Variants in ANOS1 observed in about 807,000 individuals in gnomAD.
ANOS1 encodes the protein anosmin-1.
ANOS1 carries 6 observed loss-of-function variants against 59.0 expected under a neutral mutation model. The ratio of observed to expected loss-of-function variants is 0.10; its 90% confidence interval spans 0.06 to 0.20. The LOEUF is 0.20. ANOS1 is among the 10% of genes least tolerant of loss of function. The pLI is 1.00. For missense variants in ANOS1, 433 were observed against 542.3 expected, an observed-to-expected ratio of 0.80 and a Z score of 2.00; for synonymous variants, 217 against 223.4, an observed-to-expected ratio of 0.97 and a Z score of 0.25.
intron 2 of ANOS1, among the ~76,000 whole-genome samples, chrX:8,692,312 C>A (rs1932620480): frequency 8.9e-6 from 1 of 111,870 alleles, no homozygotes; most frequent in African/African-American, 3.2e-5. Context: ...TGTGCTGCAA[C>A]AACAGAGTTG....
chrX:8,583,542 A>G (rs967414806), intron 6 of ANOS1, among the ~76,000 whole-genome samples: 12 of 112,077 alleles, frequency 1.1e-4, no homozygotes, highest in African/African-American at 2.9e-4. Context: ...CTTTAAAGAT[A>G]TCATAGAGGG....
rs1005697022 is a variant in ANOS1 at position 8,629,680 on chromosome X, C to T, written c.256-6010G>A. Among the ~76,000 whole-genome samples the T allele has an allele frequency of 4.7e-5, 5 of 106,310 alleles. No individual in the cohort carries two copies. In the East Asian group the frequency reaches 1.2e-3, roughly 25 times the overall value. The allele number at this position is 106,310 out of a possible 115,157, so 92.3% of individuals were successfully genotyped here. On this transcript the variant is annotated intron_variant, in intron 2 of 13. Coordinates refer to ENST00000262648, the MANE Select transcript of ANOS1 (RefSeq NM_000216.4). ...ATCAACAAGGAAATTGTGGATACTACTTTGTGAATCACCACCTGGCCAGTT... is the reference window on the plus strand; with the variant it reads ...ATCAACAAGGAAATTGTGGATACTATTTTGTGAATCACCACCTGGCCAGTT...
chrX:8,604,032 AC>A (rs754893030), intron 3 of ANOS1, among the ~76,000 whole-genome samples: 146 of 110,975 alleles, frequency 1.3e-3, no homozygotes, highest in Non-Finnish European at 3.0e-4. Flanking sequence ...TTCTCATTTC[AC>A]CTATTCTTCC....
At chrX:8,704,590 A>G (rs1932771735) in intron 1 of ANOS1, among the ~76,000 whole-genome samples, 1 of 112,573 alleles carries the variant, frequency 8.9e-6, no homozygotes, top group Non-Finnish European at 1.9e-5. Context: ...ATTTTCTACT[A>G]ATCACAAAAT....
intron 1 of ANOS1, among the ~76,000 whole-genome samples, chrX:8,713,883 G>A (rs1030041571): frequency 3.6e-5 from 4 of 111,634 alleles, no homozygotes; most frequent in African/African-American, 6.5e-5. Context: ...AAAGTGCTGG[G>A]ATTACAGGCA....
At chrX:8,666,152 C>T (rs149081177) in intron 2 of ANOS1, among the ~76,000 whole-genome samples, 1,348 of 111,446 alleles carry the variant, frequency 0.012, 14 homozygotes, top group African/African-American at 0.04. Context: ...GCTACAATCA[C>T]GCCACTGGAC....
Position 8,731,123 on chromosome X carries a change from C to T in ANOS1, c.207+707G>A, listed in dbSNP as rs968838615. On this transcript the variant is annotated intron_variant, in intron 1 of 13. Transcript: ENST00000262648. Reference sequence around the variant, plus strand: ...CTCGTTGAGGAGTATCCGAATACGGCCCCGCCAAATCCCCTGTCCCCGGCA... The same window carrying T: ...CTCGTTGAGGAGTATCCGAATACGGTCCCGCCAAATCCCCTGTCCCCGGCA... Among the ~76,000 whole-genome samples the T allele has an allele frequency of 3.6e-5, 4 of 112,347 alleles. No individual in the cohort carries two copies. The Admixed American group carries it at 3.7e-4, about 10-fold the overall frequency.
At position 8,532,889 on chromosome X, in the gene ANOS1, C is replaced by T. The variant is rs139805162; in HGVS notation, c.*106G>A. The T allele has an allele frequency of 2.3e-3, 1,224 of 537,814 alleles. 13 individuals are homozygous for T. The African/African-American group carries it at 0.024, about 10-fold the overall frequency. The allele number at this position is 537,814 out of a possible 1,213,427, so 44.3% of individuals were successfully genotyped here. ...TGCACTAAAGTCACATAGGAGAGTCCGGGCCTCTGAGCAGTTCCCACTGCC... is the reference window on the plus strand; with the variant it reads ...TGCACTAAAGTCACATAGGAGAGTCTGGGCCTCTGAGCAGTTCCCACTGCC... On this transcript the variant is annotated 3_prime_UTR_variant, in exon 14 of 14. Coordinates refer to ENST00000262648, the MANE Select transcript of ANOS1 (RefSeq NM_000216.4).
intron 2 of ANOS1, among the ~76,000 whole-genome samples, chrX:8,649,937 A>C (rs1457675522): frequency 1.8e-5 from 2 of 112,600 alleles, no homozygotes; most frequent in East Asian, 5.6e-4. Context: ...AAATTATAAA[A>C]TTTGCAAAAT....
At chrX:8,581,816 C>T (rs956174870) in intron 6 of ANOS1, among the ~76,000 whole-genome samples, 5 of 112,136 alleles carry the variant, frequency 4.5e-5, no homozygotes, top group Non-Finnish European at 9.4e-5. Context: ...TAAGTGCTCA[C>T]TGACATTCTT....
At chrX:8,633,841 A>C (rs1463451257) in intron 2 of ANOS1, among the ~76,000 whole-genome samples, 1 of 112,010 alleles carries the variant, frequency 8.9e-6, no homozygotes, top group Admixed American at 9.5e-5. Context: ...CAAAAATATC[A>C]ATGTCCTGAA....
chrX:8,629,862 A>G (rs977377872), intron 2 of ANOS1, among the ~76,000 whole-genome samples: 4 of 112,766 alleles, frequency 3.5e-5, no homozygotes, highest in African/African-American at 1.3e-4. Context: ...CAACAAGTGG[A>G]ACTCGTGATC....
intron 1 of ANOS1, among the ~76,000 whole-genome samples, chrX:8,702,368 A>C (rs1167863996): frequency 5.4e-5 from 6 of 112,109 alleles, no homozygotes; most frequent in African/African-American, 1.9e-4. Context: ...AATTTTATAA[A>C]GGGAGCCATT....
chrX:8,730,848 G>A (rs1932968377), intron 1 of ANOS1, among the ~76,000 whole-genome samples: 1 of 112,640 alleles, frequency 8.9e-6, no homozygotes, highest in Non-Finnish European at 1.9e-5. Flanking sequence ...CGCTCGACAG[G>A]GCTGGTACAG....
At chrX:8,549,409 A>G (rs905260972) in intron 9 of ANOS1, among the ~76,000 whole-genome samples, 1 of 112,605 alleles carries the variant, frequency 8.9e-6, no homozygotes, top group African/African-American at 3.2e-5. Context: ...GATACAGTGC[A>G]GTGAAGGTGA....
chrX:8,647,865 C>T (rs1931786300), intron 2 of ANOS1, among the ~76,000 whole-genome samples: 1 of 111,844 alleles, frequency 8.9e-6, no homozygotes, highest in Admixed American at 9.5e-5. Flanking sequence ...TTAATAATTT[C>T]TCATTTCAAC....
chrX:8,652,368 G>T (rs1280946400), intron 2 of ANOS1, among the ~76,000 whole-genome samples: 2 of 111,607 alleles, frequency 1.8e-5, no homozygotes, highest in African/African-American at 6.5e-5. Context: ...TTAGCAAGAA[G>T]AAATAAGAGG....
At position 8,731,889 on chromosome X, in the gene ANOS1, C is replaced by A. The variant is rs1602050563; in HGVS notation, c.148G>T (p.Ala50Ser). The change falls in exon 1 of 14, where the codon GCC (alanine) becomes TCC (serine). Residue 50 changes from alanine (A) to serine (S), a missense_variant. Physicochemically the swap from Ala to Ser is moderately conservative, Grantham distance 99. Transcript: ENST00000262648. Reference sequence around the variant, plus strand: ...ATCTGCAGGCTCAGGCACCTGGAGGCGCAGCGAGCGCGCTGGACGCTCCCG... The same window carrying A: ...ATCTGCAGGCTCAGGCACCTGGAGGAGCAGCGAGCGCGCTGGACGCTCCCG... ...SAGSVQRARC[A>S]SRCLSLQITR... 1 of 1,191,636 alleles carries A rather than the reference C, an allele frequency of 8.4e-7. No homozygotes were observed. The highest frequency in any genetic ancestry group is 3.1e-5 in the East Asian group (1 of 32,016).
At chrX:8,569,422 C>G (rs1930180907) in intron 7 of ANOS1, among the ~76,000 whole-genome samples, 1 of 112,388 alleles carries the variant, frequency 8.9e-6, no homozygotes, top group Admixed American at 9.4e-5. Flanking sequence ...GTGGGCGGAT[C>G]ACGAGGTCAG....
Sources: gnomAD v4.1 joint callset for allele counts (sites outside exome capture counted in the v4.1 genomes callset) on GRCh38, gnomAD v4.1.1 for gene constraint, MANE v1.5 for transcripts, NCBI Gene and HGNC (gene_info 2026-07-23, HGNC 2026-07-21) for gene names.